The following EIF3A variants were observed in gnomAD, a reference collection of about 807,000 sequenced individuals.
EIF3A encodes the protein EIF3, p180 subunit.
In EIF3A, 21 loss-of-function variants were observed where a neutral mutation model predicts 186.6. The observed-to-expected ratio is 0.11, with a 90% CI of 0.08 to 0.16. The LOEUF (loss-of-function observed/expected upper bound fraction) is 0.16, where lower values mean the gene tolerates loss of function less well. Ranked by LOEUF, EIF3A falls within the 10% of genes least tolerant of loss-of-function variation. The pLI is 1.00. For missense variants in EIF3A, 1,306 were observed against 1,796.3 expected (o/e 0.73, Z 4.93); for synonymous variants, 563 against 584.3 (o/e 0.96, Z 0.52).
chr10:119,076,302 C>T (rs1013893088), intron 1 of EIF3A, among the ~76,000 whole-genome samples: 1 of 133,914 alleles, frequency 7.5e-6, no homozygotes, highest in African/African-American at 2.8e-5. Context: ...CACTGTACTC[C>T]AGCCTGGGCA....
intron 14 of EIF3A, among the ~76,000 whole-genome samples, chr10:119,055,105 G>A (rs1848407469): frequency 6.6e-6 from 1 of 152,176 alleles, no homozygotes; most frequent in South Asian, 2.1e-4. Flanking sequence ...CTACTTGGGA[G>A]GCTGCGGCCA....
In EIF3A at chr10:119,035,466, G is replaced by A. The variant is rs1848115190; in HGVS notation, c.*573C>T. 6.7e-6 allele frequency: 1 copy of A among 149,028 alleles called. No individual in the cohort carries two copies. Among genetic ancestry groups the A allele is most frequent in the South Asian group, 2.1e-4 (1 of 4,734 alleles). 9.2% of individuals were successfully genotyped at this position (149,028 alleles called of 1,614,324 possible). Reference sequence around the variant, plus strand: ...TTGCTTTGTACTCACCTTCTCTCAAGTAAAATCTAAAGAAAACCCCACCGT... The same window carrying A: ...TTGCTTTGTACTCACCTTCTCTCAAATAAAATCTAAAGAAAACCCCACCGT... On this transcript the variant is annotated 3_prime_UTR_variant, in exon 22 of 22. Transcript: ENST00000369144.
chr10:119,059,541 A>C, intron 10 of EIF3A, 61 bp downstream of exon 10: 1 of 1,398,652 alleles, frequency 7.1e-7, no homozygotes, highest in Non-Finnish European at 1.0e-6. Context: ...TGAGAAACAG[A>C]AGGTATGTGT....
intron 16 of EIF3A, 51 bp from the exon 17 acceptor site, chr10:119,050,036 CT>C (rs1432264189): frequency 1.3e-6 from 2 of 1,552,314 alleles, no homozygotes; most frequent in Admixed American, 1.8e-5. Context: ...TATCTTCCCC[CT>C]AGTGCTAGTT....
At position 119,080,810 on chromosome 10, in the gene EIF3A, C is replaced by T. The variant is rs569075682; in HGVS notation, c.-134G>A. The stretch of plus-strand genomic sequence containing the variant: ...TCGCCCGCGCCCAGCCGGCCAGAGA[C>T]GGAAAGGAAGGAGCCACGTGACCTC... On this transcript the variant is annotated 5_prime_UTR_variant, in exon 1 of 22. Coordinates refer to ENST00000369144, the MANE Select transcript of EIF3A (RefSeq NM_003750.4). 75 of 1,420,508 alleles carry T rather than the reference C, an allele frequency of 5.3e-5. 1 individual carries two copies. In the African/African-American group the frequency reaches 1.0e-3, roughly 19 times the overall value. 88.0% of individuals were successfully genotyped at this position (1,420,508 alleles called of 1,614,324 possible).
chr10:119,072,212 A>T (rs1438116933), intron 4 of EIF3A, among the ~76,000 whole-genome samples: 8 of 141,582 alleles, frequency 5.7e-5, no homozygotes, highest in Non-Finnish European at 9.1e-5. Context: ...TAAATTAAAA[A>T]AAAAAAAAAA....
intron 16 of EIF3A, 100 bp downstream of exon 16, chr10:119,050,421 A>T (rs1271869444): frequency 7.9e-7 from 1 of 1,260,940 alleles, no homozygotes; most frequent in South Asian, 1.5e-5. Context: ...TAAAAGGCCA[A>T]TTACCTTGAT....
At chr10:119,062,262 T>C (rs926741872) in intron 7 of EIF3A, among the ~76,000 whole-genome samples, 2 of 152,222 alleles carry the variant, frequency 1.3e-5, no homozygotes, top group African/African-American at 4.8e-5. Flanking sequence ...AGATTCTTCA[T>C]GCAGTCCCCT....
At chr10:119,037,502 T>C (rs928883390) in intron 20 of EIF3A, among the ~76,000 whole-genome samples, 193 bp from the exon 21 acceptor site, 2 of 152,204 alleles carry the variant, frequency 1.3e-5, no homozygotes, top group Admixed American at 1.3e-4. Flanking sequence ...TCCCACTCGT[T>C]AGCCACTACC....
intron 7 of EIF3A, among the ~76,000 whole-genome samples, chr10:119,062,779 GCT>G (rs1843910572): frequency 1.1e-5 from 1 of 95,136 alleles, no homozygotes; most frequent in South Asian, 3.8e-4. Flanking sequence ...ATGGAGTCTT[GCT>G]CTGTCACCCA....
intron 6 of EIF3A, among the ~76,000 whole-genome samples, 179 bp from the exon 7 acceptor site, chr10:119,065,749 GT>G (rs1233699420): frequency 6.6e-6 from 1 of 152,174 alleles, no homozygotes; most frequent in Non-Finnish European, 1.5e-5. Flanking sequence ...AATGGGCTGT[GT>G]TTAAACGAAT....
Position 119,065,384 on chromosome 10 carries a change from C to T in EIF3A, c.1122+15G>A. The T allele has an allele frequency of 1.9e-6, 3 of 1,583,030 alleles. No homozygotes were observed. Among genetic ancestry groups the T allele is most frequent in the Non-Finnish European group, 2.6e-6 (3 of 1,161,472 alleles). Reference sequence around the variant, plus strand: ...TTCTGCCCAAAGCTACAAAAATCCTCAAATTAATACTAACCATATCATTAA... The same window carrying T: ...TTCTGCCCAAAGCTACAAAAATCCTTAAATTAATACTAACCATATCATTAA... On this transcript the variant is annotated intron_variant, in intron 7 of 21. Transcript: ENST00000369144.
At position 119,036,013 on chromosome 10, in the gene EIF3A, C is replaced by T. The variant is rs558214917; in HGVS notation, c.*26G>A. 2.0e-5 allele frequency: 31 copies of T among 1,527,414 alleles called. No homozygotes were observed. Among genetic ancestry groups the T allele is most frequent in the East Asian group, 2.2e-5 (1 of 44,450 alleles). The allele number at this position is 1,527,414 out of a possible 1,614,324, so 94.6% of individuals were successfully genotyped here. On this transcript the variant is annotated 3_prime_UTR_variant, in exon 22 of 22. Transcript: ENST00000369144. ...AATGTGATCAAACCTATTTAAGACACCAGTTTAAATCCATTATCTTGAGAC... is the reference window on the plus strand; with the variant it reads ...AATGTGATCAAACCTATTTAAGACATCAGTTTAAATCCATTATCTTGAGAC...
At chr10:119,053,289 T>C (rs952588045) in intron 14 of EIF3A, among the ~76,000 whole-genome samples, 1 of 152,136 alleles carries the variant, frequency 6.6e-6, no homozygotes, top group Non-Finnish European at 1.5e-5. Flanking sequence ...AACTTCCAGT[T>C]AGCAGCTGCA....
At chr10:119,075,029 T>A (rs1844142833) in intron 1 of EIF3A, among the ~76,000 whole-genome samples, 1 of 134,486 alleles carries the variant, frequency 7.4e-6, no homozygotes, top group Non-Finnish European at 1.6e-5. Flanking sequence ...TCGCCCAGGC[T>A]GGAGTACACT....
chr10:119,073,555 T>A lies in EIF3A; in HGVS notation c.263A>T (p.Asp88Val), dbSNP rs758492981. ...CQQVNIKSLE[D>V]VVRAYLKMAE... ...CATTTTCAAATATGCCCTAACAACA[T>A]CCTCCAGAGATTTTATGTTCACCTA... is the stretch of plus-strand genomic sequence containing the variant. Residue 88 changes from aspartate to valine, a missense_variant, in exon 3 of 22, where the codon GAT (aspartate) becomes GTT (valine). Asp to Val is a radical substitution (Grantham distance 152). This residue lies in a region of EIF3A where 130 missense variants were observed against 259.3 expected (regional missense o/e 0.50). Coordinates refer to ENST00000369144, the MANE Select transcript of EIF3A (RefSeq NM_003750.4). 1.2e-6 allele frequency: 2 copies of A among 1,612,634 alleles called. No individual in the cohort carries two copies. Among genetic ancestry groups the A allele is most frequent in the Admixed American group, 3.3e-5 (2 of 59,778 alleles).
Position 119,042,486 on chromosome 10 carries a change from C to T in EIF3A, c.3034G>A (p.Ala1012Thr). The change falls in exon 19 of 22, where the codon GCG becomes ACG. Residue 1012 changes from alanine (A) to threonine (T), a missense_variant. Ala to Thr is a moderately conservative substitution (Grantham distance 58). This residue lies in a region of EIF3A where 410 missense variants were observed against 473.5 expected (regional missense o/e 0.87). Transcript: ENST00000369144. This position sits in a 1 kb window ranked among gnomAD's most constrained non-coding sequence, Gnocchi z 7.8. ...CGTCTAGGTGGTCTGTCATCATCCGCATGACGCCAGTTTCCCCTGTCTTCA... is the reference window on the plus strand; with the variant it reads ...CGTCTAGGTGGTCTGTCATCATCCGTATGACGCCAGTTTCCCCTGTCTTCA... ...ADEDRGNWRH[A>T]DDDRPPRRGL... The T allele has an allele frequency of 6.2e-7, 1 of 1,614,196 alleles. No homozygotes were observed. Among genetic ancestry groups the T allele is most frequent in the Non-Finnish European group, 8.5e-7 (1 of 1,180,038 alleles).
intron 7 of EIF3A, 142 bp downstream of exon 7, chr10:119,065,257 G>A (rs1373300590): frequency 1.1e-5 from 7 of 632,776 alleles, no homozygotes; most frequent in Non-Finnish European, 2.7e-6. Context: ...CAAGTGAACA[G>A]TGATTGACAC....
intron 14 of EIF3A, among the ~76,000 whole-genome samples, chr10:119,053,051 C>CA (rs1848379485): frequency 1.3e-5 from 2 of 152,194 alleles, no homozygotes; most frequent in Admixed American, 1.3e-4. Context: ...ACATCACTGT[C>CA]AGAGCTGTCA....
Sources: gnomAD v4.1 joint callset for allele counts (sites outside exome capture counted in the v4.1 genomes callset) on GRCh38, gnomAD v4.1.1 for gene constraint, gnomAD v4.1.1 regional missense constraint, Gnocchi (gnomAD v3.1) non-coding constraint, MANE v1.5 for transcripts, NCBI Gene and HGNC (gene_info 2026-07-23, HGNC 2026-07-21) for gene names.